Variants in DCLK2 observed in about 807,000 individuals in gnomAD.
DCLK2 encodes doublecortin like kinase 2.
DCLK2 carries 31 observed loss-of-function variants against 78.4 expected under a neutral mutation model. That is an observed-to-expected ratio of 0.40 (90% confidence interval 0.30 to 0.53). DCLK2 has a LOEUF of 0.53. Ranked by LOEUF, DCLK2 falls within the 20% of genes least tolerant of loss-of-function variation. The pLI, the probability that DCLK2 is intolerant of heterozygous loss-of-function variation, is 0.61. For synonymous variants in DCLK2, 407 were observed against 374.9 expected, an observed-to-expected ratio of 1.09 and a Z score of -0.99; for missense variants, 872 against 973.7, an observed-to-expected ratio of 0.90 and a Z score of 1.39.
At chr4:150,204,891 CA>C (rs780635685) in intron 5 of DCLK2, among the ~76,000 whole-genome samples, 137 of 126,100 alleles carry the variant, frequency 1.1e-3, no homozygotes, top group African/African-American at 2.8e-3. Flanking sequence ...GACTGTGCCT[CA>C]AAAAAAAAAA....
intron 5 of DCLK2, among the ~76,000 whole-genome samples, chr4:150,211,087 T>C (rs1302063128): frequency 6.6e-6 from 1 of 152,168 alleles, no homozygotes; most frequent in African/African-American, 2.4e-5. Flanking sequence ...TGGTTCTGGC[T>C]CAAGATCTCT....
intron 1 of DCLK2, among the ~76,000 whole-genome samples, chr4:150,083,208 G>A (rs1316113152): frequency 6.6e-6 from 1 of 152,184 alleles, no homozygotes; most frequent in Non-Finnish European, 1.5e-5. Context: ...TCACAGAATG[G>A]GGTGTATATC....
chr4:150,222,419 C>A (rs1407369362), intron 7 of DCLK2, among the ~76,000 whole-genome samples: 2 of 152,118 alleles, frequency 1.3e-5, no homozygotes, highest in African/African-American at 4.8e-5. Context: ...CTATATTTAC[C>A]GGTGTCAGGC....
chr4:150,147,890 G>C (rs1240582261), intron 2 of DCLK2, among the ~76,000 whole-genome samples: 1 of 151,968 alleles, frequency 6.6e-6, no homozygotes, highest in Non-Finnish European at 1.5e-5. Context: ...TATTGGCAAA[G>C]TATTGAGAAA....
At chr4:150,237,800 A>G (rs6535725) in intron 10 of DCLK2, among the ~76,000 whole-genome samples, 70,889 of 152,110 alleles carry the variant, frequency 0.47, 18,001 homozygotes, top group Non-Finnish European at 0.58. Flanking sequence ...TATCTGGTTC[A>G]GCAAAATATG....
intron 12 of DCLK2, among the ~76,000 whole-genome samples, chr4:150,243,730 T>A (rs889969792): frequency 2.0e-5 from 3 of 151,944 alleles, no homozygotes; most frequent in African/African-American, 7.2e-5. Context: ...CTAGTCTTTT[T>A]TTTTTCTTTT....
chr4:150,183,070 A>G (rs936464300), intron 2 of DCLK2, among the ~76,000 whole-genome samples: 17 of 152,112 alleles, frequency 1.1e-4, no homozygotes, highest in Non-Finnish European at 1.6e-4. Flanking sequence ...CTATCTTCCC[A>G]TTACGTCTTC....
At chr4:150,162,283 C>A (rs942450240) in intron 2 of DCLK2, among the ~76,000 whole-genome samples, 1 of 152,246 alleles carries the variant, frequency 6.6e-6, no homozygotes, top group Middle Eastern at 3.4e-3. Context: ...CCTCCAACCT[C>A]GGCCTCTCAA....
chr4:150,125,815 C>T lies in DCLK2; in HGVS notation c.756+23003C>T, dbSNP rs569258129. On this transcript the variant is annotated intron_variant, in intron 2 of 15. Transcript: ENST00000296550. The stretch of plus-strand genomic sequence containing the variant: ...CTGAGGCAGAAGACTCACTTGAACC[C>T]GGGAGGCGGAGGTTGCAGTGAGCTG... Among the ~76,000 whole-genome samples, 10 of 151,960 alleles carry T rather than the reference C, an allele frequency of 6.6e-5. No homozygotes were observed. In the East Asian group the frequency reaches 9.7e-4, roughly 15 times the overall value.
rs762577964 is a variant in DCLK2 at position 150,256,226 on chromosome 4, C to T, written c.2280C>T (p.Thr760=). The T allele has an allele frequency of 2.7e-4, 414 of 1,524,034 alleles. No individual in the cohort carries two copies. Among genetic ancestry groups the T allele is most frequent in the Non-Finnish European group, 3.6e-4 (404 of 1,135,274 alleles). 94.4% of individuals were successfully genotyped at this position (1,524,034 alleles called of 1,614,324 possible). ...CCCCGGGTGGTGAGCGGGCAGGAAC[C>T]TGGCGCCGCCACCGAGACTGAGCCT... The part of the protein sequence containing the change: ...PAAPGGERAG[T]WRRHRD Residue 760 remains threonine (T), a synonymous_variant, in exon 16 of 16, where the codon ACC becomes ACT. Coordinates refer to ENST00000296550, the MANE Select transcript of DCLK2 (RefSeq NM_001040260.4).
chr4:150,094,925 G>A (rs1287884496), intron 1 of DCLK2, among the ~76,000 whole-genome samples: 1 of 152,170 alleles, frequency 6.6e-6, no homozygotes, highest in African/African-American at 2.4e-5. Flanking sequence ...TCACTTTCCA[G>A]TGATTGGCTT....
intron 1 of DCLK2, among the ~76,000 whole-genome samples, chr4:150,088,581 G>C (rs956239254): frequency 1.3e-5 from 2 of 152,052 alleles, no homozygotes; most frequent in African/African-American, 4.8e-5. Context: ...GGGATTACAG[G>C]TGAAAGCCAT....
chr4:150,243,757 G>A (rs1320152092), intron 12 of DCLK2, among the ~76,000 whole-genome samples: 1 of 148,456 alleles, frequency 6.7e-6, no homozygotes, highest in Non-Finnish European at 1.5e-5. Context: ...GCAGGATCTT[G>A]CTCTGTCACC....
intron 2 of DCLK2, among the ~76,000 whole-genome samples, chr4:150,172,760 T>TG (rs34505816): frequency 4.8e-5 from 6 of 125,026 alleles, no homozygotes; most frequent in East Asian, 5.0e-4. Context: ...TTTTTTTTTT[T>TG]GGGGGGGGGG....
chr4:150,079,137 C>G lies in DCLK2; in HGVS notation c.110C>G (p.Ser37Trp). 6.3e-7 allele frequency: 1 copy of G among 1,590,444 alleles called. No individual in the cohort carries two copies. Among genetic ancestry groups the G allele is most frequent in the Non-Finnish European group, 8.6e-7 (1 of 1,169,040 alleles). Residue 37 changes from serine (S) to tryptophan (W), a missense_variant, in exon 1 of 16, where the codon TCG becomes TGG. Physicochemically the swap from Ser to Trp is radical, Grantham distance 177. Coordinates refer to ENST00000296550, the MANE Select transcript of DCLK2 (RefSeq NM_001040260.4). ...AGCTCCTCCGGGGGCAGCAGCAGCT[C>G]GGGCCCCAAGGGGAACGGGCTCATC... is the stretch of plus-strand genomic sequence containing the variant. ...APSSSGGSSSSGPKGNGLIPS... is the reference protein window; with the variant it reads ...APSSSGGSSSWGPKGNGLIPS...
At chr4:150,155,462 G>A (rs1026520030) in intron 2 of DCLK2, among the ~76,000 whole-genome samples, 3 of 152,274 alleles carry the variant, frequency 2.0e-5, no homozygotes, top group South Asian at 2.1e-4. Flanking sequence ...GCAGCAAAGC[G>A]CTAGTTTATG....
At chr4:150,111,140 C>T (rs752737385) in intron 2 of DCLK2, among the ~76,000 whole-genome samples, 3 of 152,110 alleles carry the variant, frequency 2.0e-5, no homozygotes, top group Non-Finnish European at 4.4e-5. Flanking sequence ...TCCACATCAG[C>T]ATCTATTTTT....
chr4:150,109,501 A>AT (rs1731508874), intron 2 of DCLK2, among the ~76,000 whole-genome samples: 1 of 151,900 alleles, frequency 6.6e-6, no homozygotes, highest in Admixed American at 6.6e-5. Context: ...CACCCAGCTA[A>AT]TTTTTTTGTG....
At chr4:150,126,667 A>G (rs1732938626) in intron 2 of DCLK2, among the ~76,000 whole-genome samples, 2 of 152,240 alleles carry the variant, frequency 1.3e-5, no homozygotes, top group Admixed American at 6.5e-5. Flanking sequence ...AAATTGCACA[A>G]ATTGTACACA....
Sources: allele counts gnomAD v4.1 joint callset (sites outside exome capture counted in the v4.1 genomes callset), GRCh38; gene constraint gnomAD v4.1.1; transcripts MANE v1.5; gene names NCBI Gene and HGNC (gene_info 2026-07-23, HGNC 2026-07-21).